The following NUP210 variants were observed in gnomAD, a reference collection of about 807,000 sequenced individuals.
NUP210 encodes nucleoporin 210.
Under a neutral mutation model 196.0 loss-of-function variants are expected in NUP210, and 151 were observed. The observed-to-expected ratio is 0.77, with a 90% CI of 0.67 to 0.88. The LOEUF is 0.88. Ranked by LOEUF, NUP210 falls within the 40% of genes least tolerant of loss-of-function variation. NUP210 has a pLI of 0.00. For missense variants in NUP210, 2,314 were observed against 2,493.7 expected (o/e 0.93, Z 1.53); for synonymous variants, 1,070 against 1,052.7 (o/e 1.02, Z -0.32).
At chr3:13,322,375 C>A (rs373763663) in intron 34 of NUP210, 36 bp from the exon 35 acceptor site, 44 of 1,608,268 alleles carry the variant, frequency 2.7e-5, no homozygotes, top group Admixed American at 2.2e-4. Context: ...GTGGGCCAGG[C>A]CCGATGGCCA....
chr3:13,345,642 T>C (rs1424087146), intron 20 of NUP210, among the ~76,000 whole-genome samples: 1 of 152,162 alleles, frequency 6.6e-6, no homozygotes, highest in East Asian at 1.9e-4. Flanking sequence ...TTCCACACAA[T>C]GACTTACAGT....
Position 13,361,115 on chromosome 3 carries a change from G to C in NUP210, c.1933-624C>G, listed in dbSNP as rs554079782. ...GTGACCAAAGGAGATGCAGCCTGTG[G>C]TGTCCTTGCTGGCATCATTGCCAGT... On this transcript the variant is annotated intron_variant, in intron 14 of 39. Coordinates refer to ENST00000254508, the MANE Select transcript of NUP210 (RefSeq NM_024923.4). Among the ~76,000 whole-genome samples the C allele has an allele frequency of 2.0e-5, 3 of 152,324 alleles. No individual in the cohort carries two copies. In the South Asian group the frequency reaches 6.2e-4, roughly 32 times the overall value.
intron 20 of NUP210, 23 bp from the exon 21 acceptor site, chr3:13,343,326 G>C: frequency 6.3e-7 from 1 of 1,583,032 alleles, no homozygotes; most frequent in East Asian, 2.3e-5. Context: ...GGCGGAGGTG[G>C]AGGGGTGGGT....
chr3:13,324,113 A>G (rs1289289533), intron 33 of NUP210, among the ~76,000 whole-genome samples: 1 of 152,124 alleles, frequency 6.6e-6, no homozygotes, highest in Admixed American at 6.5e-5. Flanking sequence ...GTAGGTGACC[A>G]GGCATCACTG....
chr3:13,324,385 C>T (rs1696659725), intron 33 of NUP210, among the ~76,000 whole-genome samples: 1 of 152,190 alleles, frequency 6.6e-6, no homozygotes, highest in African/African-American at 2.4e-5. Context: ...GCCTTCCTCA[C>T]AGTGCTCCTG....
At position 13,376,241 on chromosome 3, in the gene NUP210, G is replaced by C. The variant is rs775726999; in HGVS notation, c.1293+50C>G. ...TCCTGGGCTGACATTTCTGCCTACA[G>C]AGGGTGGCTTCATAGGACAAGGCAC... On this transcript the variant is annotated intron_variant, in intron 10 of 39. Coordinates refer to ENST00000254508, the MANE Select transcript of NUP210 (RefSeq NM_024923.4). 21 of 1,603,580 alleles carry C rather than the reference G, an allele frequency of 1.3e-5. No individual in the cohort carries two copies. In the East Asian group the frequency reaches 4.7e-4, roughly 36 times the overall value.
rs376336606 is a variant in NUP210, at chr3:13,317,721, G to A, written c.5624C>T (p.Pro1875Leu). 11 of 1,611,684 alleles carry A rather than the reference G, an allele frequency of 6.8e-6. No individual in the cohort carries two copies. In the Admixed American group the frequency reaches 1.2e-4, roughly 17 times the overall value. The change falls in exon 40 of 40, where the codon CCT (proline) becomes CTT (leucine). Residue 1875 changes from proline (P) to leucine (L), a missense_variant. Coordinates refer to ENST00000254508, the MANE Select transcript of NUP210 (RefSeq NM_024923.4). Reference protein sequence around the residue: ...NALPPARKASPPSGLWSPAYA... With the variant: ...NALPPARKASLPSGLWSPAYA... The stretch of plus-strand genomic sequence containing the variant: ...GGCTGGGCTCCACAGCCCTGAGGGA[G>A]GGCTGGCTTTGCGAGCAGGAGGCAA...
rs1418107044 is a variant in NUP210, at chr3:13,379,583, C to T, written c.956G>A (p.Ser319Asn). 1 of 1,614,214 alleles carries T rather than the reference C, an allele frequency of 6.2e-7. No homozygotes were observed. Among genetic ancestry groups the T allele is most frequent in the South Asian group, 1.1e-5 (1 of 91,080 alleles). Residue 319 changes from serine (S) to asparagine (N), a missense_variant, in exon 7 of 40, where the codon AGC (serine) becomes AAC (asparagine). Transcript: ENST00000254508. This position sits in a 1 kb window ranked among gnomAD's most constrained non-coding sequence, Gnocchi z 4.2. ...MVTALQLGQS[S>N]LVLGHRSIRM... ...GATATTCCTGTGGCCAAGGACGAGG[C>T]TGCTCTGTCCCAGCTGCAGTGCAGT... is the stretch of plus-strand genomic sequence containing the variant.
chr3:13,331,965 A>C (rs1262194810), intron 29 of NUP210, among the ~76,000 whole-genome samples: 1 of 152,132 alleles, frequency 6.6e-6, no homozygotes, highest in Non-Finnish European at 1.5e-5. Flanking sequence ...CTTCTGGCTC[A>C]TGGGCTACAC....
At chr3:13,418,948 C>CAAAAAA (rs112826426) in intron 1 of NUP210, among the ~76,000 whole-genome samples, 3 of 52,496 alleles carry the variant, frequency 5.7e-5, no homozygotes, top group African/African-American at 1.1e-4. Flanking sequence ...AACTCCGTCT[C>CAAAAAA]AAAAAAAAAA....
intron 2 of NUP210, among the ~76,000 whole-genome samples, chr3:13,397,812 G>A (rs561325111): frequency 2.0e-5 from 3 of 152,242 alleles, no homozygotes; most frequent in African/African-American, 7.2e-5. Flanking sequence ...GTTATAGTAT[G>A]ATGAGTTCCC....
chr3:13,321,634 C>G lies in NUP210; in HGVS notation c.5117G>C (p.Ser1706Thr), dbSNP rs899897009. 6 of 1,614,028 alleles carry G rather than the reference C, an allele frequency of 3.7e-6. No homozygotes were observed. The highest frequency in any genetic ancestry group is 5.1e-6 in the Non-Finnish European group (6 of 1,180,034). ...GGCACCAAAGACCCTGATCTCGGAA[C>G]TGGTGTAGTGGTTGCTCAAAAGGAT... Reference protein sequence around the residue: ...AEILLSNHYTSSEIRVFGAPE... With the variant: ...AEILLSNHYTTSEIRVFGAPE... The change falls in exon 36 of 40, where the codon AGT becomes ACT. Residue 1706 changes from serine (S) to threonine (T), a missense_variant. Transcript: ENST00000254508.
Position 13,321,711 on chromosome 3 carries a change from C to G in NUP210, c.5040G>C (p.Gln1680His). ...GGCTGAAGGGCACCTCGGCCCCCAC[C>G]TGCTCTGTGGAGAAGTGGCTGCTGG... ...SLSSSHFSTE[Q>H]VGAEVPFSPG... Residue 1680 changes from glutamine to histidine, a missense_variant, in exon 36 of 40, where the codon CAG (glutamine) becomes CAC (histidine). By Grantham distance (24) the Gln-to-His change is conservative. Coordinates refer to ENST00000254508, the MANE Select transcript of NUP210 (RefSeq NM_024923.4). The G allele has an allele frequency of 6.2e-7, 1 of 1,614,178 alleles. No individual in the cohort carries two copies. The highest frequency in any genetic ancestry group is 8.5e-7 in the Non-Finnish European group (1 of 1,180,040).
chr3:13,384,315 G>A (rs146358539), intron 6 of NUP210, among the ~76,000 whole-genome samples: 1 of 152,234 alleles, frequency 6.6e-6, no homozygotes, highest in Non-Finnish European at 1.5e-5. Flanking sequence ...AGAAGCGGCA[G>A]AGGGAAATTC....
chr3:13,334,297 T>C (rs986435429), intron 28 of NUP210, among the ~76,000 whole-genome samples: 1 of 152,200 alleles, frequency 6.6e-6, no homozygotes, highest in Non-Finnish European at 1.5e-5. Context: ...AATTCCATGA[T>C]AGGCTCCAGG....
chr3:13,322,975 G>A (rs1215911628), intron 34 of NUP210, among the ~76,000 whole-genome samples: 3 of 152,136 alleles, frequency 2.0e-5, no homozygotes, highest in Admixed American at 1.3e-4. Flanking sequence ...AACCAGTGAC[G>A]AGTCCTGCTA....
chr3:13,341,741 G>C lies in NUP210; in HGVS notation c.3228+7C>G. On this transcript the variant is annotated splice_region_variant and intron_variant, in intron 23 of 39. Transcript: ENST00000254508. The stretch of plus-strand genomic sequence containing the variant: ...ATCCCACATGGTGTGGGAAGAACTC[G>C]TCTTACTTCAATCTGTTGTGGGGCT... The C allele has an allele frequency of 6.2e-7, 1 of 1,614,116 alleles. No homozygotes were observed. Among genetic ancestry groups the C allele is most frequent in the South Asian group, 1.1e-5 (1 of 91,082 alleles).
At chr3:13,372,952 T>C (rs1184970601) in intron 12 of NUP210, among the ~76,000 whole-genome samples, 1 of 152,164 alleles carries the variant, frequency 6.6e-6, no homozygotes, top group Non-Finnish European at 1.5e-5. Flanking sequence ...GACCTCATGC[T>C]TCATCTCAAG....
At position 13,330,523 on chromosome 3, in the gene NUP210, G is replaced by A. The variant is rs889356956; in HGVS notation, c.4047C>T (p.Ser1349=). The A allele has an allele frequency of 6.2e-7, 1 of 1,614,226 alleles. No homozygotes were observed. Among genetic ancestry groups the A allele is most frequent in the Non-Finnish European group, 8.5e-7 (1 of 1,180,020 alleles). The change falls in exon 30 of 40, where the codon TCC becomes TCT. Residue 1349 remains serine, a synonymous_variant. Transcript: ENST00000254508. ...GCTCTTGTGCAATCACTTCGATGGT[G>A]GATGTCCCGATCATAGACCCTGATG... is the stretch of plus-strand genomic sequence containing the variant. The part of the protein sequence containing the change: ...FLASGSMIGT[S]TIEVIAQEPF...
Sources: gnomAD v4.1 joint callset for allele counts (sites outside exome capture counted in the v4.1 genomes callset) on GRCh38, gnomAD v4.1.1 for gene constraint, Gnocchi (gnomAD v3.1) non-coding constraint, MANE v1.5 for transcripts, NCBI Gene and HGNC (gene_info 2026-07-23, HGNC 2026-07-21) for gene names.